Variants in BBS9 observed in about 807,000 individuals in gnomAD.
BBS9 encodes Bardet-Biedl syndrome 9.
A neutral mutation model predicts 117.7 loss-of-function variants in BBS9; 89 were observed. The observed-to-expected ratio is 0.76, with a 90% CI of 0.64 to 0.90. The LOEUF (loss-of-function observed/expected upper bound fraction) is 0.90, where lower values mean the gene tolerates loss of function less well. Ranked by LOEUF, BBS9 falls within the 40% of genes least tolerant of loss-of-function variation. BBS9 has a pLI of 0.00. For synonymous variants in BBS9, 379 were observed against 370.9 expected (o/e 1.02, Z -0.25); for missense variants, 982 against 1,042.2 (o/e 0.94, Z 0.80).
At chr7:33,371,814 A>G (rs1410351327) in intron 17 of BBS9, among the ~76,000 whole-genome samples, 1 of 152,186 alleles carries the variant, frequency 6.6e-6, no homozygotes, top group Non-Finnish European at 1.5e-5. Context: ...GAGATCCTAC[A>G]TTTTGAATTG....
chr7:33,313,153 T>G (rs1350997450), intron 9 of BBS9, among the ~76,000 whole-genome samples: 3 of 151,868 alleles, frequency 2.0e-5, no homozygotes, highest in Non-Finnish European at 4.4e-5. Context: ...AATTCTTGCT[T>G]AGGTCATTTC....
At chr7:33,603,713 C>A (rs924816506) in intron 21 of BBS9, among the ~76,000 whole-genome samples, 1 of 152,076 alleles carries the variant, frequency 6.6e-6, no homozygotes, top group East Asian at 1.9e-4. Context: ...TATGGCTGGG[C>A]AAGTTCCATT....
At chr7:33,502,635 A>G (rs953993981) in intron 19 of BBS9, among the ~76,000 whole-genome samples, 1 of 152,150 alleles carries the variant, frequency 6.6e-6, no homozygotes, top group Non-Finnish European at 1.5e-5. Flanking sequence ...CTTTCTCCTG[A>G]TGTGGGAGGA....
chr7:33,501,204 T>C lies in BBS9; in HGVS notation c.2116-4259T>C, dbSNP rs565590448. On this transcript the variant is annotated intron_variant, in intron 19 of 22. Transcript: ENST00000242067. ...CTTCTAGGCCTTGGTCTCAGAGATC[T>C]GAATCTTGATGGGTGTAGTTTTTCC... 2.7e-3 allele frequency among the ~76,000 whole-genome samples: 407 copies of C among 152,338 alleles called. 4 individuals carry two copies. Among genetic ancestry groups the C allele is most frequent in the African/African-American group, 9.2e-3 (383 of 41,572 alleles).
chr7:33,533,624 C>G, intron 20 of BBS9: 1 of 350,866 alleles, frequency 2.9e-6, no homozygotes, highest in South Asian at 3.1e-5. Flanking sequence ...AGACGTGTGC[C>G]TGATACTCTT....
intron 5 of BBS9, chr7:33,243,095 G>T: frequency 2.3e-6 from 1 of 427,712 alleles, no homozygotes; most frequent in Non-Finnish European, 4.7e-6. Flanking sequence ...CTGTTAATTC[G>T]GAAGTCTTTC....
chr7:33,532,825 TCTTA>T (rs1270869542), intron 20 of BBS9, among the ~76,000 whole-genome samples: 2 of 152,152 alleles, frequency 1.3e-5, no homozygotes, highest in African/African-American at 2.4e-5. Context: ...GTCTCAGGGC[TCTTA>T]CTTCTAATAT....
chr7:33,314,363 C>A (rs1810001221), intron 9 of BBS9: 4 of 370,574 alleles, frequency 1.1e-5, no homozygotes, highest in Non-Finnish European at 1.6e-5. Flanking sequence ...GCCTTCTTGG[C>A]ATTTATACAT....
intron 5 of BBS9, among the ~76,000 whole-genome samples, chr7:33,193,814 G>A (rs2128197447): frequency 6.6e-6 from 1 of 152,290 alleles, no homozygotes; most frequent in East Asian, 1.9e-4. Context: ...TTGGAAGGCT[G>A]AGAGATATTC....
chr7:33,408,898 A>T (rs1830591342), intron 19 of BBS9, among the ~76,000 whole-genome samples: 1 of 152,202 alleles, frequency 6.6e-6, no homozygotes, highest in African/African-American at 2.4e-5. Flanking sequence ...AACAAAAGCC[A>T]TTCTGACCAG....
intron 4 of BBS9, among the ~76,000 whole-genome samples, chr7:33,175,581 A>G (rs1797227474): frequency 6.6e-6 from 1 of 152,146 alleles, no homozygotes; most frequent in African/African-American, 2.4e-5. Flanking sequence ...AGACAATGCA[A>G]GTGAGGTACA....
At chr7:33,632,008 T>G (rs1048487114) in intron 21 of BBS9, among the ~76,000 whole-genome samples, 2 of 152,170 alleles carry the variant, frequency 1.3e-5, no homozygotes, top group Non-Finnish European at 2.9e-5. Context: ...TATTTCGTGT[T>G]GAGGGAAAGG....
intron 15 of BBS9, among the ~76,000 whole-genome samples, chr7:33,356,022 T>A (rs868261638): frequency 1.3e-5 from 2 of 151,944 alleles, no homozygotes; most frequent in South Asian, 2.1e-4. Flanking sequence ...TGGTTGAAAG[T>A]GTATAGAAGA....
At chr7:33,361,123 A>G (rs947638247) in intron 16 of BBS9, among the ~76,000 whole-genome samples, 18 of 152,198 alleles carry the variant, frequency 1.2e-4, no homozygotes, top group African/African-American at 4.3e-4. Context: ...TTCAATAGCC[A>G]TAATTTTTGT....
chr7:33,245,918 T>G (rs1795263991), intron 5 of BBS9, among the ~76,000 whole-genome samples: 2 of 152,118 alleles, frequency 1.3e-5, no homozygotes, highest in South Asian at 4.1e-4. Flanking sequence ...CTATGTTCAT[T>G]TAGCAGACAT....
At chr7:33,491,212 C>A (rs968963071) in intron 19 of BBS9, among the ~76,000 whole-genome samples, 1 of 152,104 alleles carries the variant, frequency 6.6e-6, no homozygotes, top group Non-Finnish European at 1.5e-5. Flanking sequence ...AAACAAAATA[C>A]CACACAAAAA....
intron 4 of BBS9, among the ~76,000 whole-genome samples, chr7:33,171,484 A>G (rs1796566904): frequency 6.6e-6 from 1 of 152,250 alleles, no homozygotes; most frequent in South Asian, 2.1e-4. Flanking sequence ...TTAATTACAT[A>G]TATCAACTAA....
rs369602284 is a variant in BBS9, at chr7:33,514,874, TA to T, written c.2298+9234del. On this transcript the variant is annotated intron_variant, in intron 20 of 22. Transcript: ENST00000242067. ...AATAATACAGTGGTGCTAAATGCTG[TA>T]AAAACTGCATTAGATGCATGACCCC... Among the ~76,000 whole-genome samples, 781 of 152,324 alleles carry T rather than the reference TA, an allele frequency of 5.1e-3. 8 individuals carry two copies. The highest frequency in any genetic ancestry group is 0.018 in the African/African-American group (746 of 41,570).
chr7:33,458,198 A>T (rs976507887), intron 19 of BBS9, among the ~76,000 whole-genome samples: 1 of 152,206 alleles, frequency 6.6e-6, no homozygotes, highest in African/African-American at 2.4e-5. Flanking sequence ...ACTCTTTAAG[A>T]AGAAATGTGA....
Sources: gnomAD v4.1 joint callset for allele counts (sites outside exome capture counted in the v4.1 genomes callset) on GRCh38, gnomAD v4.1.1 for gene constraint, MANE v1.5 for transcripts, NCBI Gene and HGNC (gene_info 2026-07-23, HGNC 2026-07-21) for gene names.